Variants in ESRRG observed in about 807,000 individuals in gnomAD.
The protein encoded by ESRRG is estrogen related receptor gamma, also known as estrogen-related receptor gamma.
Under a neutral mutation model 44.0 loss-of-function variants are expected in ESRRG, and 13 were observed. The observed-to-expected ratio is 0.30, with a 90% CI of 0.19 to 0.47. The LOEUF is 0.47. Among genes scored for constraint, ESRRG ranks in the 20% least tolerant of loss-of-function variants. The pLI, the probability that ESRRG is intolerant of heterozygous loss-of-function variation, is 1.00. For missense variants in ESRRG, 395 were observed against 580.6 expected, an observed-to-expected ratio of 0.68 and a Z score of 3.29; for synonymous variants, 215 against 214.6, an observed-to-expected ratio of 1.00 and a Z score of -0.02.
intron 5 of ESRRG, among the ~76,000 whole-genome samples, chr1:216,533,207 T>C (rs932626944): frequency 1.3e-5 from 2 of 152,108 alleles, no homozygotes; most frequent in East Asian, 1.9e-4. Context: ...AGCAAATTCC[T>C]AGTGGCACTT....
chr1:216,605,940 AT>A (rs1390426628), intron 3 of ESRRG, among the ~76,000 whole-genome samples: 1 of 151,648 alleles, frequency 6.6e-6, no homozygotes, highest in Non-Finnish European at 1.5e-5. Context: ...AAGAAAGCTG[AT>A]TTTGTTTGTT....
In ESRRG at chr1:216,894,577, C is replaced by T. The variant is rs116129469; in HGVS notation, c.-14+45005G>A. Among the ~76,000 whole-genome samples the T allele has an allele frequency of 3.7e-3, 562 of 152,192 alleles. 4 individuals are homozygous for T. Among genetic ancestry groups the T allele is most frequent in the African/African-American group, 0.013 (553 of 41,518 alleles). ...TTACAGAGGAACTAGCAGGCTATAA[C>T]TTAAAGGCTCTCCTCCTTCCCTCCT... On this transcript the variant is annotated intron_variant, in intron 2 of 7. Transcript: ENST00000359162.
intron 2 of ESRRG, among the ~76,000 whole-genome samples, chr1:216,812,733 C>T (rs1019828465): frequency 6.6e-6 from 1 of 152,166 alleles, no homozygotes; most frequent in African/African-American, 2.4e-5. Context: ...TGGCCAGATA[C>T]TCATTTCTCT....
intron 3 of ESRRG, among the ~76,000 whole-genome samples, chr1:216,588,063 TC>T (rs368588308): frequency 4.2e-4 from 64 of 152,272 alleles, no homozygotes; most frequent in African/African-American, 1.5e-3. Context: ...TTTTTCTGTG[TC>T]TTTTTGTGGG....
intron 2 of ESRRG, among the ~76,000 whole-genome samples, chr1:216,800,981 TC>T (rs1431210381): frequency 6.6e-6 from 1 of 152,164 alleles, no homozygotes; most frequent in East Asian, 1.9e-4. Context: ...TCACACCAAT[TC>T]TTTTTTTAAT....
At chr1:216,717,037 C>A (rs2085047813) in intron 1 of ESRRG, among the ~76,000 whole-genome samples, 1 of 151,842 alleles carries the variant, frequency 6.6e-6, no homozygotes, top group Admixed American at 6.6e-5. Context: ...AATGACATAT[C>A]ATTTGAAGAA....
rs554599288 is a variant in ESRRG, at chr1:216,504,504, T to C, written c.*2435A>G. On this transcript the variant is annotated 3_prime_UTR_variant, in exon 7 of 7. Transcript: ENST00000408911. ...CCACAATCTACAATATAGTCCCATA[T>C]AGCTAATGATAGATACACAGTATTC... 1 of 152,676 alleles carries C rather than the reference T, an allele frequency of 6.5e-6. No individual in the cohort carries two copies. 9.5% of individuals were successfully genotyped at this position (152,676 alleles called of 1,614,324 possible).
intron 2 of ESRRG, among the ~76,000 whole-genome samples, chr1:216,827,528 T>C (rs1180966630): frequency 2.0e-5 from 3 of 152,198 alleles, no homozygotes; most frequent in African/African-American, 7.2e-5. Flanking sequence ...ATGACCTATG[T>C]CTTCGTATGC....
At chr1:216,584,483 C>T (rs549471483) in intron 3 of ESRRG, among the ~76,000 whole-genome samples, 45 of 152,148 alleles carry the variant, frequency 3.0e-4, no homozygotes, top group African/African-American at 1.1e-3. Flanking sequence ...GTCTCGATCT[C>T]CTGACCTCGT....
chr1:216,914,255 T>C (rs575852915), intron 2 of ESRRG, among the ~76,000 whole-genome samples: 1 of 152,178 alleles, frequency 6.6e-6, no homozygotes, highest in African/African-American at 2.4e-5. Flanking sequence ...ATATTTGTAA[T>C]GTTTCCTGAA....
At chr1:216,999,057 C>T (rs1358920391) in intron 1 of ESRRG, among the ~76,000 whole-genome samples, 2 of 152,130 alleles carry the variant, frequency 1.3e-5, no homozygotes, top group African/African-American at 4.8e-5. Flanking sequence ...GGCCTGAGTA[C>T]AATAATATGT....
intron 2 of ESRRG, among the ~76,000 whole-genome samples, chr1:216,785,841 A>G (rs1338374195): frequency 6.6e-6 from 1 of 152,066 alleles, no homozygotes; most frequent in Non-Finnish European, 1.5e-5. Context: ...GGAAAATACT[A>G]TAATGAACTG....
chr1:217,070,729 C>T (rs763642421), intron 1 of ESRRG, among the ~76,000 whole-genome samples: 1 of 152,174 alleles, frequency 6.6e-6, no homozygotes. Flanking sequence ...CATTGTTTGT[C>T]CTCACATAAA....
chr1:216,784,736 G>T (rs2094062153), intron 2 of ESRRG, among the ~76,000 whole-genome samples: 1 of 151,516 alleles, frequency 6.6e-6, no homozygotes, highest in Non-Finnish European at 1.5e-5. Flanking sequence ...CCTCCCTTTT[G>T]CCCCAAACCC....
At chr1:216,571,800 T>C (rs1268408686) in intron 3 of ESRRG, among the ~76,000 whole-genome samples, 3 of 152,208 alleles carry the variant, frequency 2.0e-5, no homozygotes, top group Non-Finnish European at 4.4e-5. Context: ...ATTCTTTTAT[T>C]TGTAATTTTA....
intron 1 of ESRRG, among the ~76,000 whole-genome samples, chr1:216,978,403 G>A (rs990160821): frequency 6.6e-6 from 1 of 152,088 alleles, no homozygotes; most frequent in African/African-American, 2.4e-5. Flanking sequence ...CCAGTTCCTG[G>A]CCTAAGGTAC....
At chr1:216,703,025 T>C (rs1269769425) in intron 1 of ESRRG, among the ~76,000 whole-genome samples, 2 of 152,240 alleles carry the variant, frequency 1.3e-5, no homozygotes, top group Admixed American at 6.5e-5. Flanking sequence ...TACAAACCAA[T>C]CAAGGCAATG....
chr1:216,743,420 G>A (rs561381082), intron 2 of ESRRG, among the ~76,000 whole-genome samples: 1 of 152,216 alleles, frequency 6.6e-6, no homozygotes, highest in Non-Finnish European at 1.5e-5. Flanking sequence ...TCTGTCTATG[G>A]CATAGAATTC....
At chr1:217,093,987 A>G (rs2092388830), upstream of ESRRG, among the ~76,000 whole-genome samples, 1 of 151,968 alleles carries the variant, frequency 6.6e-6, no homozygotes, top group African/African-American at 2.4e-5. Flanking sequence ...GGCTCAAGCA[A>G]TCCTCCTGCC....
Sources: gnomAD v4.1 joint callset for allele counts (sites outside exome capture counted in the v4.1 genomes callset) on GRCh38, gnomAD v4.1.1 for gene constraint, MANE v1.5 for transcripts, NCBI Gene and HGNC (gene_info 2026-07-23, HGNC 2026-07-21) for gene names.